The following RBM8A variants were observed in gnomAD, a reference collection of about 807,000 sequenced individuals.
RBM8A encodes RNA binding motif protein 8A, also known as RNA-binding protein 8A.
Under a neutral mutation model 25.1 loss-of-function variants are expected in RBM8A, and 8 were observed. The ratio of observed to expected loss-of-function variants is 0.32; its 90% CI spans 0.19 to 0.58. The LOEUF (loss-of-function observed/expected upper bound fraction) is 0.58. Among genes scored for constraint, RBM8A ranks in the 20% least tolerant of loss-of-function variants. RBM8A has a pLI of 0.88. For missense variants in RBM8A, 114 were observed against 236.8 expected (o/e 0.48, Z 3.40); for synonymous variants, 66 against 80.0 (o/e 0.82, Z 0.94).
intron 1 of RBM8A, 35 bp downstream of exon 1, chr1:145,927,325 C>T: frequency 6.2e-7 from 1 of 1,602,312 alleles, no homozygotes; most frequent in Non-Finnish European, 8.5e-7. Context: ...CTCGCACCTT[C>T]CCCGCTTCCC....
intron 5 of RBM8A, 43 bp from the exon 6 acceptor site, chr1:145,925,970 T>C: frequency 6.2e-7 from 1 of 1,614,176 alleles, no homozygotes; most frequent in Non-Finnish European, 8.5e-7. Context: ...TAGAGGGACA[T>C]AATACTAAGT....
rs587617710 is a variant in RBM8A at position 145,923,603 on chromosome 1, T to C, written c.*2279A>G. 3.9e-4 allele frequency: 111 copies of C among 286,926 alleles called. No individual in the cohort carries two copies. Among genetic ancestry groups the C allele is most frequent in the African/African-American group, 2.3e-3 (105 of 46,370 alleles). The allele number at this position is 286,926 out of a possible 1,614,324, so 17.8% of individuals were successfully genotyped here. A position where few individuals can be genotyped will look rare whatever the true frequency, so the allele number is the denominator to read the frequency against. On this transcript the variant is annotated 3_prime_UTR_variant, in exon 6 of 6. Coordinates refer to ENST00000583313, the MANE Select transcript of RBM8A (RefSeq NM_005105.5). ...ACAGAAATAGTTTTTACTGATTCAG[T>C]TGGAAAACCCAGCAATTTAACAAAA...
In RBM8A at chr1:145,924,047, G is replaced by A; in HGVS notation, c.*1835C>T. 4.3e-6 allele frequency: 3 copies of A among 692,514 alleles called. No homozygotes were observed. The highest frequency in any genetic ancestry group is 8.1e-6 in the Non-Finnish European group (3 of 370,014). The allele number at this position is 692,514 out of a possible 1,614,324, so 42.9% of individuals were successfully genotyped here. ...TGGATGAACTGTTTCTCAGCACTGTGCTGCTTCACTTGGAATTAAGGATGA... is the reference window on the plus strand; with the variant it reads ...TGGATGAACTGTTTCTCAGCACTGTACTGCTTCACTTGGAATTAAGGATGA... On this transcript the variant is annotated 3_prime_UTR_variant, in exon 6 of 6. Transcript: ENST00000583313.
rs1420478813 is a variant in RBM8A, at chr1:145,921,811, CAAG to C, written c.*4068_*4070del. 1.3e-5 allele frequency: 2 copies of C among 153,530 alleles called. No individual in the cohort carries two copies. Among genetic ancestry groups the C allele is most frequent in the Non-Finnish European group, 2.9e-5 (2 of 68,480 alleles). The allele number at this position is 153,530 out of a possible 1,614,324, so 9.5% of individuals were successfully genotyped here. A position where few individuals can be genotyped will look rare whatever the true frequency, so the allele number is the denominator to read the frequency against. On this transcript the variant is annotated 3_prime_UTR_variant, in exon 6 of 6. Coordinates refer to ENST00000583313, the MANE Select transcript of RBM8A (RefSeq NM_005105.5). ...GATTAGAATTATGTCAGAAGGAGGC[CAAG>C]AAGGGTCTAGGATTTATCTCTGGAA...
chr1:145,924,334 G>T lies in RBM8A; in HGVS notation c.*1548C>A, dbSNP rs1553755451. The T allele has an allele frequency of 2.0e-6, 1 of 502,698 alleles. No homozygotes were observed. The highest frequency in any genetic ancestry group is 4.0e-6 in the Non-Finnish European group (1 of 248,660). 31.1% of individuals were successfully genotyped at this position (502,698 alleles called of 1,614,324 possible). A position where few individuals can be genotyped will look rare whatever the true frequency, so the allele number is the denominator to read the frequency against. On this transcript the variant is annotated 3_prime_UTR_variant, in exon 6 of 6. Transcript: ENST00000583313. ...GCTATAGCCGCATTGTCCTCAGTGT[G>T]TCCAGGCCCCAGACAAGGAAGGGGA...
In RBM8A at chr1:145,926,827, C is replaced by G. The variant is rs1648186322; in HGVS notation, c.187G>C (p.Glu63Gln). The change falls in exon 3 of 6, where the codon GAA (glutamate) becomes CAA (glutamine). Residue 63 changes from glutamate (E) to glutamine (Q), a missense_variant. By Grantham distance (29) the Glu-to-Gln change is conservative. Coordinates refer to ENST00000583313, the MANE Select transcript of RBM8A (RefSeq NM_005105.5). ...DYDSVEQDGD[E>Q]PGPQRSVEGW... ...TACTCACAGCGTTGTGGTCCGGGTTCATCGCCATCCTGCTCCACGCTGTCA... is the reference window on the plus strand; with the variant it reads ...TACTCACAGCGTTGTGGTCCGGGTTGATCGCCATCCTGCTCCACGCTGTCA... 1 of 1,614,184 alleles carries G rather than the reference C, an allele frequency of 6.2e-7. No homozygotes were observed. Among genetic ancestry groups the G allele is most frequent in the Non-Finnish European group, 8.5e-7 (1 of 1,180,032 alleles).
rs1648167233 is a variant in RBM8A at position 145,926,517 on chromosome 1, G to T, written c.307C>A (p.His103Asn). Reference sequence around the variant, plus strand: ...CCTGTTCGCCTGTCGAGGTTGAGATGAATGTTTTTAATTTCCCCATATTCT... The same window carrying T: ...CCTGTTCGCCTGTCGAGGTTGAGATTAATGTTTTTAATTTCCCCATATTCT... ...FAEYGEIKNIHLNLDRRTGYL... is the reference protein window; with the variant it reads ...FAEYGEIKNINLNLDRRTGYL... Residue 103 changes from histidine to asparagine, a missense_variant, in exon 4 of 6, where the codon CAT becomes AAT. His to Asn is a moderately conservative substitution (Grantham distance 68). Around this residue, in one of 2 missense-constraint regions of RBM8A, gnomAD observed 102 missense variants for 182.7 expected, o/e 0.56. Coordinates refer to ENST00000583313, the MANE Select transcript of RBM8A (RefSeq NM_005105.5). 11 of 1,614,108 alleles carry T rather than the reference G, an allele frequency of 6.8e-6. No individual in the cohort carries two copies. Among genetic ancestry groups the T allele is most frequent in the Non-Finnish European group, 9.3e-6 (11 of 1,180,016 alleles).
Position 145,925,770 on chromosome 1 carries a change from A to T in RBM8A, c.*112T>A. On this transcript the variant is annotated 3_prime_UTR_variant, in exon 6 of 6. Coordinates refer to ENST00000583313, the MANE Select transcript of RBM8A (RefSeq NM_005105.5). ...TATTCGCAACTCAAATACTACGCAT[A>T]TACGGTAAGAGATTAAATATAAACA... The T allele has an allele frequency of 1.6e-6, 2 of 1,278,590 alleles. No individual in the cohort carries two copies. The highest frequency in any genetic ancestry group is 1.2e-5 in the South Asian group (1 of 81,554). 79.2% of individuals were successfully genotyped at this position (1,278,590 alleles called of 1,614,324 possible). A position where few individuals can be genotyped will look rare whatever the true frequency, so the allele number is the denominator to read the frequency against.
At chr1:145,926,310 T>C in intron 4 of RBM8A, 133 bp from the exon 5 acceptor site, 2 of 1,426,576 alleles carry the variant, frequency 1.4e-6, no homozygotes, top group South Asian at 2.6e-5. Flanking sequence ...ATATCTCTAC[T>C]GTATATATAC....
At position 145,926,905 on chromosome 1, in the gene RBM8A, A is replaced by T; in HGVS notation, c.128-19T>A. On this transcript the variant is annotated intron_variant, in intron 2 of 5. Transcript: ENST00000583313. ...CCCTCTTCTATAAGGGACATACACGAGATCACCGAAAACTCCTCCTTTCTC... is the reference window on the plus strand; with the variant it reads ...CCCTCTTCTATAAGGGACATACACGTGATCACCGAAAACTCCTCCTTTCTC... 6.2e-7 allele frequency: 1 copy of T among 1,613,908 alleles called. No individual in the cohort carries two copies. Among genetic ancestry groups the T allele is most frequent in the Non-Finnish European group, 8.5e-7 (1 of 1,179,968 alleles).
At chr1:145,927,132 C>A in intron 1 of RBM8A, 55 bp from the exon 2 acceptor site, 2 of 1,593,856 alleles carry the variant, frequency 1.3e-6, no homozygotes, top group East Asian at 2.2e-5. Context: ...TTGTAACAAT[C>A]GTCTCTTTCC....
At position 145,922,628 on chromosome 1, in the gene RBM8A, A is replaced by G. The variant is rs1222905493; in HGVS notation, c.*3254T>C. On this transcript the variant is annotated 3_prime_UTR_variant, in exon 6 of 6. Coordinates refer to ENST00000583313, the MANE Select transcript of RBM8A (RefSeq NM_005105.5). ...CGAAAGGTGATTTTTTTTGTTCCAA[A>G]TTAGTATCCTTTTAGGTAAATTCTG... 1 of 152,190 alleles carries G rather than the reference A, an allele frequency of 6.6e-6. No homozygotes were observed. Among genetic ancestry groups the G allele is most frequent in the African/African-American group, 2.4e-5 (1 of 41,454 alleles). The allele number at this position is 152,190 out of a possible 1,614,324, so 9.4% of individuals were successfully genotyped here.
In RBM8A at chr1:145,925,604, A is replaced by C. The variant is rs1199137313; in HGVS notation, c.*278T>G. ...GTAACACAGCAAGACTCTATCTCAAAAAAAAGAAAAAAAAGAAATACATAG... is the reference window on the plus strand; with the variant it reads ...GTAACACAGCAAGACTCTATCTCAACAAAAAGAAAAAAAAGAAATACATAG... On this transcript the variant is annotated 3_prime_UTR_variant, in exon 6 of 6. Transcript: ENST00000583313. 39 of 398,490 alleles carry C rather than the reference A, an allele frequency of 9.8e-5. No homozygotes were observed. The highest frequency in any genetic ancestry group is 1.7e-4 in the Non-Finnish European group (36 of 214,614). The allele number at this position is 398,490 out of a possible 1,614,324, so 24.7% of individuals were successfully genotyped here.
In RBM8A at chr1:145,925,644, A is replaced by C. The variant is rs1648106505; in HGVS notation, c.*238T>G. 1.8e-6 allele frequency: 1 copy of C among 546,586 alleles called. No homozygotes were observed. Among genetic ancestry groups the C allele is most frequent in the East Asian group, 3.2e-5 (1 of 31,728 alleles). 33.9% of individuals were successfully genotyped at this position (546,586 alleles called of 1,614,324 possible). On this transcript the variant is annotated 3_prime_UTR_variant, in exon 6 of 6. Transcript: ENST00000583313. ...GAAATACATAGAGTTCAGTCCCTAG[A>C]AGTATCTTCACAATGATCCATACAG...
chr1:145,926,187 G>C lies in RBM8A; in HGVS notation c.343-10C>G. ...CAACTAGAGTATACCCCTGGGGAAA[G>C]TGAAAAGACAGATATGAAAACCCTC... On this transcript the variant is annotated splice_polypyrimidine_tract_variant and intron_variant, in intron 4 of 5. Coordinates refer to ENST00000583313, the MANE Select transcript of RBM8A (RefSeq NM_005105.5). The C allele has an allele frequency of 6.2e-7, 1 of 1,611,732 alleles. No individual in the cohort carries two copies. The highest frequency in any genetic ancestry group is 8.5e-7 in the Non-Finnish European group (1 of 1,178,884).
In RBM8A at chr1:145,924,835, C is replaced by T. The variant is rs1553755550; in HGVS notation, c.*1047G>A. The T allele has an allele frequency of 2.1e-5, 7 of 337,474 alleles. No individual in the cohort carries two copies. Among genetic ancestry groups the T allele is most frequent in the Non-Finnish European group, 3.5e-5 (6 of 170,562 alleles). The allele number at this position is 337,474 out of a possible 1,614,324, so 20.9% of individuals were successfully genotyped here. Reference sequence around the variant, plus strand: ...CCTAGCCCCTGCTGGTGAATTTGCCCTCCCCCGCTCCTTTGACAATTGTCC... The same window carrying T: ...CCTAGCCCCTGCTGGTGAATTTGCCTTCCCCCGCTCCTTTGACAATTGTCC... On this transcript the variant is annotated 3_prime_UTR_variant, in exon 6 of 6. Transcript: ENST00000583313.
At chr1:145,926,386 C>T in intron 4 of RBM8A, 96 bp downstream of exon 4, 1 of 1,523,506 alleles carries the variant, frequency 6.6e-7, no homozygotes, top group Admixed American at 2.0e-5. Flanking sequence ...CATTTTATTT[C>T]AACTTTGCTC....
intron 1 of RBM8A, 37 bp downstream of exon 1, chr1:145,927,322 CT>C: frequency 6.2e-7 from 1 of 1,600,090 alleles, no homozygotes; most frequent in Non-Finnish European, 8.5e-7. Context: ...TCTCTCGCAC[CT>C]TCCCCGCTTC....
rs1405110558 is a variant in RBM8A, at chr1:145,925,592, ACTCTAT to A, written c.*284_*289del. On this transcript the variant is annotated 3_prime_UTR_variant, in exon 6 of 6. Transcript: ENST00000583313. ...AATCCACCCTGGGTAACACAGCAAG[ACTCTAT>A]CTCAAAAAAAAGAAAAAAAAGAAAT... 23 of 375,870 alleles carry A rather than the reference ACTCTAT, an allele frequency of 6.1e-5. No homozygotes were observed. Among genetic ancestry groups the A allele is most frequent in the African/African-American group, 4.9e-4 (23 of 47,250 alleles). The allele number at this position is 375,870 out of a possible 1,614,324, so 23.3% of individuals were successfully genotyped here.
Sources: gnomAD v4.1 joint callset for allele counts on GRCh38, gnomAD v4.1.1 for gene constraint, gnomAD v4.1.1 regional missense constraint, MANE v1.5 for transcripts, NCBI Gene and HGNC (gene_info 2026-07-23, HGNC 2026-07-21) for gene names.